TAF1: variants seen among roughly 807,000 people sequenced by gnomAD.
The protein encoded by TAF1 is TATA-box binding protein associated factor 1.
Under a neutral mutation model 138.5 loss-of-function variants are expected in TAF1, and 2 were observed. The observed-to-expected ratio is 0.01, with a 90% confidence interval of 0.01 to 0.05. The LOEUF (loss-of-function observed/expected upper bound fraction) is 0.05. Among genes scored for constraint, TAF1 ranks in the 10% least tolerant of loss-of-function variants. The probability of loss-of-function intolerance (pLI) is 1.00; values close to 1 mark genes in which losing one functional copy is unlikely to be tolerated. For synonymous variants in TAF1, 437 were observed against 503.2 expected (o/e 0.87, Z 1.76); for missense variants, 709 against 1,478.0 (o/e 0.48, Z 8.53).
At chrX:71,405,422 T>C (rs1441987145) in intron 25 of TAF1, among the ~76,000 whole-genome samples, 2 of 111,914 alleles carry the variant, frequency 1.8e-5, no homozygotes, top group African/African-American at 6.5e-5. Context: ...GCAATCTCAG[T>C]TGACTGCAAC....
chrX:71,448,316 T>C (rs1238770055), intron 32 of TAF1, among the ~76,000 whole-genome samples: 1 of 112,038 alleles, frequency 8.9e-6, no homozygotes, highest in Admixed American at 9.5e-5. Flanking sequence ...AACCTATAGC[T>C]GATCATCCTA....
intron 32 of TAF1, among the ~76,000 whole-genome samples, chrX:71,436,661 A>G (rs1268263143): frequency 1.8e-5 from 2 of 111,300 alleles, no homozygotes; most frequent in Non-Finnish European, 3.8e-5. Flanking sequence ...TGCTACCTTT[A>G]TAATATACTA....
intron 32 of TAF1, among the ~76,000 whole-genome samples, chrX:71,440,553 T>G (rs2037361030): frequency 9.2e-6 from 1 of 108,989 alleles, no homozygotes; most frequent in African/African-American, 3.3e-5. Context: ...GGCATTGTAA[T>G]AAGGCTTGAG....
At chrX:71,506,200 CAAAATAAATAAATAAATA>C (rs2039621434) in intron 13 of TAF1, among the ~76,000 whole-genome samples, 1 of 106,606 alleles carries the variant, frequency 9.4e-6, no homozygotes, top group East Asian at 2.9e-4. Context: ...AACTCCGTCT[CAAAATAAATAAATAAATA>C]AAAATAAATA....
intron 22 of TAF1, among the ~76,000 whole-genome samples, chrX:71,395,111 C>G (rs1482274552): frequency 9.0e-6 from 1 of 111,346 alleles, no homozygotes; most frequent in African/African-American, 3.3e-5. Flanking sequence ...TAATAAAGAC[C>G]TGAATTGGGT....
intron 13 of TAF1, among the ~76,000 whole-genome samples, chrX:71,511,658 G>T (rs189642033): frequency 3.2e-4 from 36 of 112,241 alleles, no homozygotes; most frequent in Non-Finnish European, 5.5e-4. Context: ...TCACCTGTAG[G>T]TCTAGGTGTA....
intron 3 of TAF1, among the ~76,000 whole-genome samples, chrX:71,369,772 A>T (rs1342518811): frequency 6.1e-5 from 6 of 98,677 alleles, no homozygotes; most frequent in African/African-American, 2.2e-4. Context: ...CGCCTGGCTA[A>T]TTTTTTTTTT....
intron 32 of TAF1, among the ~76,000 whole-genome samples, chrX:71,448,897 C>A (rs2037823512): frequency 9.2e-6 from 1 of 109,109 alleles, no homozygotes; most frequent in African/African-American, 3.3e-5. Context: ...CGGCTCACCA[C>A]AACCTCTGCC....
At chrX:71,369,197 A>C (rs1015525765) in intron 3 of TAF1, among the ~76,000 whole-genome samples, 3 of 110,890 alleles carry the variant, frequency 2.7e-5, no homozygotes, top group Non-Finnish European at 5.7e-5. Context: ...GGGTTTCACC[A>C]TGTTGGCCAG....
At chrX:71,420,684 C>T (rs2036286824) in intron 28 of TAF1, among the ~76,000 whole-genome samples, 1 of 113,078 alleles carries the variant, frequency 8.8e-6, no homozygotes, top group South Asian at 3.6e-4. Context: ...GGGTCACCCT[C>T]GACCAGTCAT....
At chrX:71,387,556 T>C in intron 15 of TAF1, 95 bp downstream of exon 15, 1 of 1,021,762 alleles carries the variant, frequency 9.8e-7, no homozygotes, top group Non-Finnish European at 1.3e-6. Flanking sequence ...CCCAGCACTT[T>C]GGGAGGCCGC....
intron 13 of TAF1, among the ~76,000 whole-genome samples, chrX:71,496,614 CTTCT>C (rs763619718): frequency 1.9e-5 from 2 of 107,785 alleles, no homozygotes; most frequent in South Asian, 4.1e-4. Context: ...TCTTTGACTC[CTTCT>C]TTGTCGGTCT....
chrX:71,483,427 T>C (rs2039107815), intron 13 of TAF1, among the ~76,000 whole-genome samples: 1 of 108,232 alleles, frequency 9.2e-6, no homozygotes, highest in African/African-American at 3.4e-5. Context: ...TAACATCTTT[T>C]TTTTTTTTTC....
In TAF1 at chrX:71,375,246, A is replaced by T; in HGVS notation, c.432A>T (p.Gly144=). 1 of 1,210,939 alleles carries T rather than the reference A, an allele frequency of 8.3e-7. No homozygotes were observed. Among genetic ancestry groups the T allele is most frequent in the Non-Finnish European group, 1.1e-6 (1 of 895,310 alleles). The stretch of plus-strand genomic sequence containing the variant: ...TGCCTCCTCCACCTCCACCCCCGGG[A>T]CCAATGAAGAAGGATAAGGACCAGG... ...KLMPPPPPPP[G]PMKKDKDQDS... Residue 144 remains glycine, a synonymous_variant, in exon 4 of 38, where the codon GGA becomes GGT. Transcript: ENST00000423759.
At chrX:71,391,629 CTTTTTTT>C (rs763621504) in intron 18 of TAF1, among the ~76,000 whole-genome samples, 1 of 97,243 alleles carries the variant, frequency 1.0e-5, no homozygotes, top group African/African-American at 3.9e-5. Flanking sequence ...CATATATACT[CTTTTTTT>C]TTTTTTTTTT....
intron 4 of TAF1, 27 bp from the exon 5 acceptor site, chrX:71,376,923 C>G (rs1396722467): frequency 2.5e-6 from 3 of 1,207,827 alleles, no homozygotes; most frequent in Non-Finnish European, 3.4e-6. Flanking sequence ...AGTTACATGC[C>G]AAAGGGGTTT....
chrX:71,487,301 C>A (rs1294808893), intron 13 of TAF1, among the ~76,000 whole-genome samples: 2 of 104,882 alleles, frequency 1.9e-5, no homozygotes, highest in Non-Finnish European at 3.9e-5. Context: ...TGCTGTTAGT[C>A]CCATCTAATG....
At chrX:71,462,343 C>G (rs947244058) in intron 37 of TAF1, among the ~76,000 whole-genome samples, 1 of 111,213 alleles carries the variant, frequency 9.0e-6, no homozygotes, top group Admixed American at 9.6e-5. Context: ...TTTGGGAGGC[C>G]GAGGCAGGCA....
intron 3 of TAF1, among the ~76,000 whole-genome samples, 167 bp from the exon 4 acceptor site, chrX:71,375,000 C>T (rs896168443): frequency 4.7e-5 from 5 of 106,215 alleles, no homozygotes; most frequent in Admixed American, 2.1e-4. Flanking sequence ...CAGGAGAACT[C>T]GGGAGGTGGA....
Sources: allele counts gnomAD v4.1 joint callset (sites outside exome capture counted in the v4.1 genomes callset), GRCh38; gene constraint gnomAD v4.1.1; transcripts MANE v1.5; gene names NCBI Gene and HGNC (gene_info 2026-07-23, HGNC 2026-07-21).